The following KIAA1217 variants were observed in gnomAD, a reference collection of about 807,000 sequenced individuals.
The protein encoded by KIAA1217 is sickle tail protein homolog.
A neutral mutation model predicts 163.9 loss-of-function variants in KIAA1217; 88 were observed. The observed-to-expected ratio is 0.54, with a 90% confidence interval of 0.45 to 0.64. The LOEUF is 0.64. KIAA1217 is among the 30% of genes least tolerant of loss of function. KIAA1217 has a pLI of 0.00. For missense variants in KIAA1217, 2,372 were observed against 2,475.0 expected (o/e 0.96, Z 0.88); for synonymous variants, 903 against 923.1 (o/e 0.98, Z 0.39).
chr10:24,508,053 C>A (rs1252823812), intron 9 of KIAA1217, among the ~76,000 whole-genome samples: 2 of 152,044 alleles, frequency 1.3e-5, no homozygotes, highest in Non-Finnish European at 2.9e-5. Flanking sequence ...AAGAGCAAAA[C>A]CAGACAAAAA....
chr10:24,107,702 G>C (rs557365630), intron 2 of KIAA1217, among the ~76,000 whole-genome samples: 1 of 152,112 alleles, frequency 6.6e-6, no homozygotes, highest in African/African-American at 2.4e-5. Flanking sequence ...ACATCACCAA[G>C]TCTAAAATTA....
intron 2 of KIAA1217, among the ~76,000 whole-genome samples, chr10:24,170,363 G>A (rs977121899): frequency 2.6e-5 from 4 of 152,158 alleles, no homozygotes; most frequent in Admixed American, 1.3e-4. Context: ...AAGTATCTCC[G>A]TTGTTTGGTT....
chr10:24,043,281 C>T (rs1848746108), intron 2 of KIAA1217, among the ~76,000 whole-genome samples: 1 of 151,982 alleles, frequency 6.6e-6, no homozygotes, highest in Non-Finnish European at 1.5e-5. Flanking sequence ...TAATATTTGG[C>T]CCTGTGATTT....
In KIAA1217 at chr10:24,067,652, C is replaced by G. The variant is rs568110274; in HGVS notation, c.-171+60278C>G. Among the ~76,000 whole-genome samples, 414 of 152,290 alleles carry G rather than the reference C, an allele frequency of 2.7e-3. 3 individuals are homozygous for G. Among genetic ancestry groups the G allele is most frequent in the African/African-American group, 9.3e-3 (387 of 41,562 alleles). On this transcript the variant is annotated intron_variant, in intron 2 of 18. Coordinates refer to the KIAA1217 transcript ENST00000376462. ...ATCTCAAGCTGCATGCTGGGAGAAC[C>G]ACTACTCTCTTCAAAGCTGTCAGAC...
intron 1 of KIAA1217, among the ~76,000 whole-genome samples, chr10:23,904,517 A>C (rs1842074035): frequency 6.6e-6 from 1 of 152,166 alleles, no homozygotes; most frequent in Non-Finnish European, 1.5e-5. Context: ...AAATTTTAGA[A>C]CATCAGTTGG....
chr10:24,524,754 T>C lies in KIAA1217; in HGVS notation c.2888T>C (p.Val963Ala), dbSNP rs2071827024. Residue 963 changes from valine (V) to alanine (A), a missense_variant, in exon 13 of 21, where the codon GTG becomes GCG. Coordinates refer to ENST00000376454, the MANE Select transcript of KIAA1217 (RefSeq NM_019590.5). ...AGTGTGAGTGCCAAGAACAGGGCAG[T>C]GTCTATCGAGGTAGAGTCCTATTTC... ...IHSVSAKNRA[V>A]SIEKAEKKWE... 3 of 1,592,630 alleles carry C rather than the reference T, an allele frequency of 1.9e-6. No individual in the cohort carries two copies. The highest frequency in any genetic ancestry group is 1.3e-5 in the African/African-American group (1 of 74,666).
intron 2 of KIAA1217, among the ~76,000 whole-genome samples, 187 bp from the exon 3 acceptor site, chr10:24,380,682 T>C (rs1263213905): frequency 2.0e-5 from 3 of 151,966 alleles, no homozygotes; most frequent in Non-Finnish European, 4.4e-5. Context: ...GCAATGTTAT[T>C]TTCCGGTAAT....
At chr10:23,714,538 C>A (rs1326422713) in intron 1 of KIAA1217, among the ~76,000 whole-genome samples, 1 of 152,118 alleles carries the variant, frequency 6.6e-6, no homozygotes, top group African/African-American at 2.4e-5. Context: ...TATGCTGCCT[C>A]AAGATTCCTG....
Position 24,542,998 on chromosome 10 carries a change from A to G in KIAA1217, c.3728A>G (p.Glu1243Gly), listed in dbSNP as rs2135473495. Residue 1243 changes from glutamate to glycine, a missense_variant, in exon 19 of 21, where the codon GAA (glutamate) becomes GGA (glycine). By Grantham distance (98) the Glu-to-Gly change is moderately conservative. This residue lies in a region of KIAA1217 where 251 missense variants were observed against 327.3 expected (regional missense o/e 0.77). Transcript: ENST00000376454. ...TATAAAACTGAGATCATAATGAAGG[A>G]AAATTCCATATCCAATATGAGTTTA... The part of the protein sequence containing the change: ...SEYKTEIIMK[E>G]NSISNMSLLR... 6.2e-7 allele frequency: 1 copy of G among 1,614,016 alleles called. No individual in the cohort carries two copies. The highest frequency in any genetic ancestry group is 1.1e-5 in the South Asian group (1 of 91,058).
chr10:23,882,239 A>G (rs1840982403), intron 1 of KIAA1217, among the ~76,000 whole-genome samples: 1 of 151,932 alleles, frequency 6.6e-6, no homozygotes, highest in South Asian at 2.1e-4. Context: ...TGGCAATGTG[A>G]CAAACCTGAG....
At chr10:24,006,500 G>C (rs1156792196) in intron 1 of KIAA1217, among the ~76,000 whole-genome samples, 2 of 152,120 alleles carry the variant, frequency 1.3e-5, no homozygotes, top group African/African-American at 4.8e-5. Flanking sequence ...GTTTCCCACA[G>C]CATAGAAATC....
At position 24,234,145 on chromosome 10, in the gene KIAA1217, A is replaced by T. The variant is rs76988785; in HGVS notation, c.354+14236A>T. On this transcript the variant is annotated intron_variant, in intron 2 of 20. Transcript: ENST00000376454. Reference sequence around the variant, plus strand: ...GAAAATCCAAAATGAAATGTTCCCAAATCTGAAACTTTTTGAGCACCAACA... The same window carrying T: ...GAAAATCCAAAATGAAATGTTCCCATATCTGAAACTTTTTGAGCACCAACA... 4.4e-3 allele frequency among the ~76,000 whole-genome samples: 675 copies of T among 152,256 alleles called. 7 individuals are homozygous for T. The highest frequency in any genetic ancestry group is 0.015 in the African/African-American group (608 of 41,542).
intron 2 of KIAA1217, among the ~76,000 whole-genome samples, chr10:24,273,812 C>T: frequency 6.7e-6 from 1 of 149,968 alleles, no homozygotes; most frequent in Non-Finnish European, 1.5e-5. Flanking sequence ...GAGATCGTGC[C>T]ACTGTGTTCT....
At chr10:24,109,590 C>T (rs1228971340) in intron 2 of KIAA1217, among the ~76,000 whole-genome samples, 1 of 151,406 alleles carries the variant, frequency 6.6e-6, no homozygotes, top group African/African-American at 2.4e-5. Flanking sequence ...CTGAAATCAA[C>T]AGAAATCCAG....
chr10:24,292,342 C>A (rs746478002), intron 2 of KIAA1217, among the ~76,000 whole-genome samples: 47 of 152,212 alleles, frequency 3.1e-4, no homozygotes, highest in South Asian at 2.1e-4. Flanking sequence ...GAATTAACCA[C>A]TGTATTTCTC....
At chr10:24,452,363 A>G (rs927945522) in intron 5 of KIAA1217, among the ~76,000 whole-genome samples, 2 of 152,102 alleles carry the variant, frequency 1.3e-5, no homozygotes, top group Non-Finnish European at 2.9e-5. Context: ...AATGGTACAG[A>G]AAAATCATTT....
chr10:24,469,038 T>C (rs2063222736), intron 5 of KIAA1217, among the ~76,000 whole-genome samples: 1 of 152,232 alleles, frequency 6.6e-6, no homozygotes. Flanking sequence ...TTTATGAATT[T>C]AAATAAATTT....
intron 2 of KIAA1217, among the ~76,000 whole-genome samples, chr10:24,339,577 G>T (rs975316873): frequency 1.3e-5 from 2 of 152,204 alleles, no homozygotes; most frequent in Non-Finnish European, 2.9e-5. Flanking sequence ...TATCCACTGT[G>T]AGCCAGGAAC....
intron 2 of KIAA1217, among the ~76,000 whole-genome samples, chr10:24,068,288 A>G (rs2061048837): frequency 6.6e-6 from 1 of 151,816 alleles, no homozygotes; most frequent in South Asian, 2.1e-4. Flanking sequence ...TTAGCTCCAC[A>G]CCCTCAGTTA....
Sources: allele counts gnomAD v4.1 joint callset (sites outside exome capture counted in the v4.1 genomes callset), GRCh38; gene constraint gnomAD v4.1.1; regional missense constraint gnomAD v4.1.1; transcripts MANE v1.5; gene names NCBI Gene and HGNC (gene_info 2026-07-23, HGNC 2026-07-21).